The following NUDCD1 variants were observed in gnomAD, a reference collection of about 807,000 sequenced individuals.
NUDCD1 encodes the protein NudC domain containing 1.
NUDCD1 carries 60 observed loss-of-function variants against 67.8 expected under a neutral mutation model. The ratio of observed to expected loss-of-function variants is 0.88; its 90% CI spans 0.72 to 1.10. The LOEUF (loss-of-function observed/expected upper bound fraction) is 1.10. Among genes scored for constraint, NUDCD1 ranks in the 50% least tolerant of loss-of-function variants. The pLI is 0.00. For missense variants in NUDCD1, 643 were observed against 695.0 expected, an observed-to-expected ratio of 0.93 and a Z score of 0.84; for synonymous variants, 244 against 230.8, an observed-to-expected ratio of 1.06 and a Z score of -0.52.
intron 2 of NUDCD1, among the ~76,000 whole-genome samples, chr8:109,314,166 A>C (rs72682688): frequency 0.098 from 14,904 of 152,162 alleles, 780 homozygotes; most frequent in Middle Eastern, 0.14. Context: ...TGACATCTAT[A>C]ATGTCCAGCT....
intron 1 of NUDCD1, 101 bp from the exon 2 acceptor site, chr8:109,322,564 C>T: frequency 1.2e-6 from 1 of 834,962 alleles, no homozygotes. Flanking sequence ...CACAGAATGC[C>T]AATCACAAAG....
Position 109,272,143 on chromosome 8 carries a change from A to G in NUDCD1, c.1174-1013T>C, listed in dbSNP as rs12681701. 3.2e-3 allele frequency among the ~76,000 whole-genome samples: 491 copies of G among 152,200 alleles called. 19 individuals are homozygous for G. In the East Asian group the frequency reaches 0.086, roughly 27 times the overall value. On this transcript the variant is annotated intron_variant, in intron 7 of 9. Transcript: ENST00000239690. The stretch of plus-strand genomic sequence containing the variant: ...AAAAGGCAAATATAAGAGTAAATGA[A>G]AGACCTGTTTTTCACATTTTTAATC...
intron 1 of NUDCD1, among the ~76,000 whole-genome samples, chr8:109,328,588 T>G (rs1815732831): frequency 6.6e-6 from 1 of 152,180 alleles, no homozygotes; most frequent in South Asian, 2.1e-4. Flanking sequence ...GAACCATAAC[T>G]GCTCCCAATA....
chr8:109,293,439 G>A lies in NUDCD1; in HGVS notation c.545C>T (p.Thr182Ile). The A allele has an allele frequency of 6.3e-7, 1 of 1,588,556 alleles. No individual in the cohort carries two copies. Among genetic ancestry groups the A allele is most frequent in the South Asian group, 1.1e-5 (1 of 88,704 alleles). Residue 182 changes from threonine (T) to isoleucine (I), a missense_variant, in exon 4 of 10, where the codon ACC (threonine) becomes ATC (isoleucine). By Grantham distance (89) the Thr-to-Ile change is moderately conservative. Coordinates refer to ENST00000239690, the MANE Select transcript of NUDCD1 (RefSeq NM_032869.4). ...LLNAEEHSIATLLLRIEKEEL... is the reference protein window; with the variant it reads ...LLNAEEHSIAILLLRIEKEEL... ...CTCTTTCTCTATTCGAAGAAGTAGG[G>A]TAGCTATAGAATGTTCTTCAGCATT...
At chr8:109,300,018 C>T (rs62509867) in intron 2 of NUDCD1, among the ~76,000 whole-genome samples, 1,984 of 152,176 alleles carry the variant, frequency 0.013, 31 homozygotes, top group Non-Finnish European at 0.019. Flanking sequence ...CACTACAGCT[C>T]GGCTCTCAGG....
Position 109,251,181 on chromosome 8 carries a change from T to C in NUDCD1, c.1300-5700A>G, listed in dbSNP as rs77224834. Among the ~76,000 whole-genome samples the C allele has an allele frequency of 2.9e-3, 360 of 126,148 alleles. 1 individual carries two copies. Among genetic ancestry groups the C allele is most frequent in the Admixed American group, 4.6e-3 (53 of 11,480 alleles). The allele number at this position is 126,148 out of a possible 152,430, so 82.8% of individuals were successfully genotyped here. ...TCTCATCTATTTCTTTTTTTTTTTT[T>C]CTTTTTTTTTTGGAGAGAGTCTCGC... is the stretch of plus-strand genomic sequence containing the variant. On this transcript the variant is annotated intron_variant, in intron 8 of 9. Coordinates refer to ENST00000239690, the MANE Select transcript of NUDCD1 (RefSeq NM_032869.4).
rs1324823509 is a variant in NUDCD1 at position 109,275,460 on chromosome 8, C to T, written c.1065G>A (p.Leu355=). 1 of 1,613,426 alleles carries T rather than the reference C, an allele frequency of 6.2e-7. No individual in the cohort carries two copies. Among genetic ancestry groups the T allele is most frequent in the Non-Finnish European group, 8.5e-7 (1 of 1,179,600 alleles). The change falls in exon 7 of 10, where the codon CTG becomes CTA. Residue 355 remains leucine (L), a synonymous_variant. Transcript: ENST00000239690. ...CTCCAATTACTAGCTCTGGCCAGGT[C>T]AGTCCTTCATTCTTCTTAATCAAGG... ...EISLIKKNEG[L]TWPELVIGDK...
chr8:109,252,251 T>C (rs1258995084), intron 8 of NUDCD1, among the ~76,000 whole-genome samples: 3 of 152,252 alleles, frequency 2.0e-5, no homozygotes, highest in East Asian at 3.9e-4. Context: ...GTTTCAGGTT[T>C]TGAGGTTTTT....
chr8:109,331,442 G>A (rs1815803681), intron 1 of NUDCD1, among the ~76,000 whole-genome samples: 1 of 149,110 alleles, frequency 6.7e-6, no homozygotes, highest in South Asian at 2.1e-4. Context: ...CCTGAACCCG[G>A]AAGGCAGAGG....
chr8:109,241,853 T>A lies in NUDCD1; in HGVS notation c.*1156A>T, dbSNP rs1586241577. ...AGGTCTTAACTTCCTTATTAAAATA[T>A]AAAATCCAACTTGAGGTTTATATAA... On this transcript the variant is annotated 3_prime_UTR_variant, in exon 10 of 10. Transcript: ENST00000239690. 1 of 378,194 alleles carries A rather than the reference T, an allele frequency of 2.6e-6. No individual in the cohort carries two copies. Among genetic ancestry groups the A allele is most frequent in the African/African-American group, 2.1e-5 (1 of 48,170 alleles). 23.4% of individuals were successfully genotyped at this position (378,194 alleles called of 1,614,324 possible).
intron 8 of NUDCD1, among the ~76,000 whole-genome samples, chr8:109,268,559 T>A (rs76832960): frequency 0.021 from 3,152 of 152,198 alleles, 110 homozygotes; most frequent in African/African-American, 0.072. Flanking sequence ...TGATCAACAA[T>A]ACTTAGGAGT....
At chr8:109,306,461 C>T (rs780429370) in intron 2 of NUDCD1, among the ~76,000 whole-genome samples, 4 of 151,928 alleles carry the variant, frequency 2.6e-5, no homozygotes, top group African/African-American at 7.3e-5. Context: ...CCTCCAAAAT[C>T]GCCAAGGCCT....
At chr8:109,270,909 A>C in intron 8 of NUDCD1, 96 bp downstream of exon 8, 1 of 743,000 alleles carries the variant, frequency 1.3e-6, no homozygotes, top group Non-Finnish European at 2.2e-6. Flanking sequence ...AAAGCCAGTA[A>C]CTGCTAATCA....
chr8:109,302,050 T>C (rs1021250505), intron 2 of NUDCD1, among the ~76,000 whole-genome samples: 1 of 152,172 alleles, frequency 6.6e-6, no homozygotes, highest in Non-Finnish European at 1.5e-5. Context: ...TCTCTGGGCT[T>C]GCCTCCTTCA....
intron 6 of NUDCD1, 114 bp downstream of exon 6, chr8:109,280,854 A>C (rs1814418194): frequency 4.0e-6 from 2 of 505,638 alleles, no homozygotes; most frequent in African/African-American, 1.9e-5. Flanking sequence ...AAGAAAAGTA[A>C]CCAGCAATAC....
rs75460117 is a variant in NUDCD1, at chr8:109,329,068, T to A, written c.118+4825A>T. On this transcript the variant is annotated intron_variant, in intron 1 of 9. Transcript: ENST00000239690. ...AAGATTTAAATCAAACTTCTAGATG[T>A]GAATATTACAATGTCCAAGATGAAA... Among the ~76,000 whole-genome samples the A allele has an allele frequency of 4.1e-3, 620 of 151,960 alleles. 1 individual carries two copies. The highest frequency in any genetic ancestry group is 6.9e-3 in the Non-Finnish European group (466 of 67,990).
intron 4 of NUDCD1, 78 bp downstream of exon 4, chr8:109,293,266 T>C (rs1814751426): frequency 1.3e-6 from 1 of 742,532 alleles, no homozygotes; most frequent in African/African-American, 1.8e-5. Context: ...GCAAACAGTA[T>C]TTACAGGGAC....
chr8:109,310,420 T>G (rs191610129), intron 2 of NUDCD1, among the ~76,000 whole-genome samples: 16 of 152,228 alleles, frequency 1.1e-4, no homozygotes, highest in Non-Finnish European at 1.2e-4. Flanking sequence ...CAGCCACATG[T>G]AGGAGAATGA....
intron 1 of NUDCD1, among the ~76,000 whole-genome samples, chr8:109,324,172 T>G (rs1815608688): frequency 6.7e-6 from 1 of 149,706 alleles, no homozygotes; most frequent in Non-Finnish European, 1.5e-5. Context: ...TATTCAATCG[T>G]AAGGAATGAA....
Sources: allele counts gnomAD v4.1 joint callset (sites outside exome capture counted in the v4.1 genomes callset), GRCh38; gene constraint gnomAD v4.1.1; transcripts MANE v1.5; gene names NCBI Gene and HGNC (gene_info 2026-07-23, HGNC 2026-07-21).